Variants in BLTP1 observed in about 807,000 individuals in gnomAD.
The protein encoded by BLTP1 is bridge-like lipid transfer protein family member 1.
chr4:122,268,690 T>A, the BLTP1 span, among the ~76,000 whole-genome samples: 1 of 152,220 alleles, frequency 6.6e-6, no homozygotes, highest in Non-Finnish European at 1.5e-5. Context: ...TTTTCATCTT[T>A]GTTGTCCAAT....
the BLTP1 span, among the ~76,000 whole-genome samples, chr4:122,279,404 C>G: frequency 2.0e-5 from 3 of 152,276 alleles, no homozygotes; most frequent in South Asian, 6.2e-4. Context: ...ATACTATCCC[C>G]AAAGGCTTTT....
the BLTP1 span, chr4:122,232,200 T>TA: frequency 5.2e-6 from 4 of 762,016 alleles, no homozygotes; most frequent in South Asian, 6.0e-5. Context: ...AGTTAGCTGT[T>TA]ACAATTTCAT....
the BLTP1 span, chr4:122,185,511 G>A: frequency 1.3e-6 from 1 of 778,788 alleles, no homozygotes; most frequent in South Asian, 5.8e-5. Context: ...TCTACTTAAT[G>A]TAATTATGTC....
chr4:122,330,586 C>T, the BLTP1 span, among the ~76,000 whole-genome samples: 2 of 151,818 alleles, frequency 1.3e-5, no homozygotes, highest in Admixed American at 6.6e-5. Context: ...TTTCTGAATG[C>T]TAGGATTTTG....
the BLTP1 span, chr4:122,173,355 A>C: frequency 6.1e-6 from 1 of 163,578 alleles, no homozygotes; most frequent in Admixed American, 6.5e-5. Context: ...GGGACTCTGC[A>C]GAGTCTTGAG....
chr4:122,170,852 AT>A, the BLTP1 span: 1 of 621,810 alleles, frequency 1.6e-6, no homozygotes. Context: ...ACTACCATTT[AT>A]TTATTTTTAG....
At chr4:122,168,569 G>T in the BLTP1 span, among the ~76,000 whole-genome samples, 1 of 151,682 alleles carries the variant, frequency 6.6e-6, no homozygotes, top group Non-Finnish European at 1.5e-5. Flanking sequence ...CAAAGTATTT[G>T]CTTCCTTTTT....
the BLTP1 span, chr4:122,246,036 A>T: frequency 3.4e-6 from 4 of 1,180,256 alleles, no homozygotes; most frequent in Non-Finnish European, 4.4e-6. Context: ...TAAAACTAGA[A>T]CGCAGCTGGC....
At chr4:122,297,617 T>C in the BLTP1 span, among the ~76,000 whole-genome samples, 2 of 152,204 alleles carry the variant, frequency 1.3e-5, no homozygotes, top group African/African-American at 4.8e-5. Flanking sequence ...CGTATGTTCA[T>C]TGCAGCACTA....
the BLTP1 span, chr4:122,238,045 G>A: frequency 5.3e-5 from 83 of 1,572,894 alleles, 1 homozygote; most frequent in East Asian, 9.3e-4. Flanking sequence ...TTTATAAACT[G>A]CTGTTGAGAT....
chr4:122,362,675 A>AGCTT, the BLTP1 span: 1 of 159,390 alleles, frequency 6.3e-6, no homozygotes, highest in East Asian at 1.8e-4. Flanking sequence ...GTTTGTATAT[A>AGCTT]GCTTGAGTAA....
chr4:122,209,089 G>T, the BLTP1 span: 1 of 1,404,930 alleles, frequency 7.1e-7, no homozygotes, highest in Non-Finnish European at 9.3e-7. Flanking sequence ...AGACAGGTTT[G>T]CCCGTAAGTA....
At chr4:122,276,029 C>A in the BLTP1 span, 1 of 1,580,542 alleles carries the variant, frequency 6.3e-7, no homozygotes, top group Non-Finnish European at 8.6e-7. Flanking sequence ...TTCTGTATGT[C>A]ATATTATTCT....
the BLTP1 span, chr4:122,287,642 A>G: frequency 1.4e-5 from 14 of 983,440 alleles, no homozygotes; most frequent in Admixed American, 6.8e-4. Context: ...TGAAGCATCT[A>G]TAAGAATGCT....
At chr4:122,192,702 A>G in the BLTP1 span, among the ~76,000 whole-genome samples, 4 of 152,076 alleles carry the variant, frequency 2.6e-5, no homozygotes, top group Admixed American at 2.0e-4. Flanking sequence ...ATCCCCTACT[A>G]TATGCCAGAT....
chr4:122,296,399 T>A, the BLTP1 span, among the ~76,000 whole-genome samples: 1 of 152,170 alleles, frequency 6.6e-6, no homozygotes, highest in Admixed American at 6.5e-5. Flanking sequence ...TACAAAGCAC[T>A]GCTCAAGGAA....
the BLTP1 span, chr4:122,325,404 A>G: frequency 6.9e-7 from 1 of 1,449,450 alleles, no homozygotes; most frequent in Non-Finnish European, 9.2e-7. Context: ...ACTATTTCAA[A>G]ATACTGATTT....
At chr4:122,185,265 C>T in the BLTP1 span, 1 of 975,618 alleles carries the variant, frequency 1.0e-6, no homozygotes, top group African/African-American at 1.8e-5. Flanking sequence ...ATTTAAATAT[C>T]CGTAAATGTT....
chr4:122,152,544 A>C, the BLTP1 span: 1 of 985,610 alleles, frequency 1.0e-6, no homozygotes. Context: ...TTCCCCGGAG[A>C]GAGGCCAGAG....
Sources: gnomAD v4.1 joint callset for allele counts (sites outside exome capture counted in the v4.1 genomes callset) on GRCh38, gnomAD v4.1.1 for gene constraint, MANE v1.5 for transcripts, NCBI Gene and HGNC (gene_info 2026-07-23, HGNC 2026-07-21) for gene names.